The following RBMS3 variants were observed in gnomAD, a reference collection of about 807,000 sequenced individuals.
RBMS3 encodes the protein RNA binding motif single stranded interacting protein 3, also known as RNA-binding motif, single-stranded-interacting protein 3.
A neutral mutation model predicts 66.8 loss-of-function variants in RBMS3; 27 were observed. The ratio of observed to expected loss-of-function variants is 0.40; its 90% CI spans 0.30 to 0.56. The LOEUF is 0.56. Ranked by LOEUF, RBMS3 falls within the 20% of genes least tolerant of loss-of-function variation. RBMS3 has a pLI of 0.40. For synonymous variants in RBMS3, 188 were observed against 183.0 expected (o/e 1.03, Z -0.22); for missense variants, 513 against 549.5 (o/e 0.93, Z 0.66).
chr3:29,569,149 A>G (rs1157009102), intron 3 of RBMS3, among the ~76,000 whole-genome samples: 2 of 152,144 alleles, frequency 1.3e-5, no homozygotes, highest in African/African-American at 4.8e-5. Flanking sequence ...CTGCTTGCAG[A>G]GCCATTTTCC....
chr3:29,374,106 G>C (rs915759435), intron 1 of RBMS3, among the ~76,000 whole-genome samples: 1 of 152,084 alleles, frequency 6.6e-6, no homozygotes, highest in African/African-American at 2.4e-5. Flanking sequence ...TATCAGCCTG[G>C]GGACTATAAC....
chr3:29,650,982 T>A (rs1294500947), intron 4 of RBMS3, among the ~76,000 whole-genome samples: 1 of 152,234 alleles, frequency 6.6e-6, no homozygotes, highest in Non-Finnish European at 1.5e-5. Context: ...TATGTTTCTA[T>A]ACCCCTGGAT....
chr3:29,682,705 C>T (rs1053953071), intron 4 of RBMS3, among the ~76,000 whole-genome samples: 6 of 152,296 alleles, frequency 3.9e-5, no homozygotes, highest in African/African-American at 1.4e-4. Context: ...CACTCTATAA[C>T]ATTTCTATTC....
At chr3:29,306,724 T>C (rs2034037212) in intron 1 of RBMS3, among the ~76,000 whole-genome samples, 1 of 151,828 alleles carries the variant, frequency 6.6e-6, no homozygotes, top group Admixed American at 6.6e-5. Flanking sequence ...AGAGCCTCCC[T>C]GCAGAGGCTC....
intron 4 of RBMS3, among the ~76,000 whole-genome samples, chr3:29,688,681 C>A (rs989714533): frequency 2.2e-5 from 3 of 138,948 alleles, no homozygotes; most frequent in African/African-American, 8.1e-5. Flanking sequence ...CTCCCAGGTT[C>A]AAGCAATTCT....
intron 6 of RBMS3, among the ~76,000 whole-genome samples, chr3:29,771,205 G>A (rs2056184291): frequency 6.6e-6 from 1 of 151,924 alleles, no homozygotes; most frequent in African/African-American, 2.4e-5. Context: ...TAATATTTTA[G>A]TTATTTTTCA....
chr3:29,549,960 A>T (rs540585542), intron 3 of RBMS3, among the ~76,000 whole-genome samples: 1 of 151,856 alleles, frequency 6.6e-6, no homozygotes, highest in Admixed American at 6.6e-5. Context: ...TATAGGCATT[A>T]AAAAAAATGA....
intron 1 of RBMS3, among the ~76,000 whole-genome samples, chr3:29,420,312 C>T: frequency 6.6e-6 from 1 of 152,206 alleles, no homozygotes; most frequent in East Asian, 1.9e-4. Flanking sequence ...AAATCTTCTT[C>T]TTTTCCCCCA....
intron 6 of RBMS3, among the ~76,000 whole-genome samples, chr3:29,817,032 C>T (rs1156746623): frequency 2.0e-5 from 3 of 151,752 alleles, no homozygotes; most frequent in African/African-American, 4.8e-5. Context: ...CAGAGGTTGC[C>T]GTGAGCCGAG....
intron 4 of RBMS3, among the ~76,000 whole-genome samples, chr3:29,590,926 C>T (rs1237068812): frequency 1.3e-5 from 2 of 152,074 alleles, no homozygotes; most frequent in Non-Finnish European, 2.9e-5. Flanking sequence ...CTTGTATCCA[C>T]AGTTAATCCA....
intron 5 of RBMS3, among the ~76,000 whole-genome samples, chr3:29,746,678 T>C (rs2054910265): frequency 6.6e-6 from 1 of 152,148 alleles, no homozygotes; most frequent in Admixed American, 6.6e-5. Context: ...TTCTATTTTC[T>C]TTTTCATATA....
At chr3:30,003,330 G>T (rs1424621872) in intron 14 of RBMS3, among the ~76,000 whole-genome samples, 5 of 151,954 alleles carry the variant, frequency 3.3e-5, no homozygotes. Context: ...GTAAAATATA[G>T]TTCCTGCTCT....
At chr3:29,704,548 C>A (rs1372802517) in intron 4 of RBMS3, among the ~76,000 whole-genome samples, 1 of 152,172 alleles carries the variant, frequency 6.6e-6, no homozygotes, top group African/African-American at 2.4e-5. Context: ...GTTGCCTCAT[C>A]TGTAAAACGG....
chr3:29,593,104 T>C (rs1197657227), intron 4 of RBMS3, among the ~76,000 whole-genome samples: 1 of 152,154 alleles, frequency 6.6e-6, no homozygotes, highest in South Asian at 2.1e-4. Context: ...ACATGGCACA[T>C]GTATACATAT....
At chr3:29,731,006 C>G in intron 4 of RBMS3, 3 of 985,296 alleles carry the variant, frequency 3.0e-6, no homozygotes, top group South Asian at 9.4e-5. Flanking sequence ...GTTCCAGGAC[C>G]AAAGGTAACT....
chr3:29,923,668 A>G (rs922512747), intron 10 of RBMS3, among the ~76,000 whole-genome samples: 1 of 152,224 alleles, frequency 6.6e-6, no homozygotes, highest in African/African-American at 2.4e-5. Flanking sequence ...GATAACTTTA[A>G]TACATCAGTA....
intron 7 of RBMS3, chr3:29,880,756 CTTG>C: frequency 1.3e-6 from 2 of 1,533,544 alleles, no homozygotes; most frequent in African/African-American, 1.4e-5. Context: ...GACACTATCT[CTTG>C]TTGTCTCCTC....
At chr3:29,839,859 C>T (rs188997641) in intron 6 of RBMS3, among the ~76,000 whole-genome samples, 75 of 151,754 alleles carry the variant, frequency 4.9e-4, no homozygotes, top group Admixed American at 4.9e-3. Context: ...CTACTAAACA[C>T]GAAATACAAA....
chr3:29,459,430 A>T (rs2042299865), intron 2 of RBMS3, among the ~76,000 whole-genome samples: 1 of 152,192 alleles, frequency 6.6e-6, no homozygotes, highest in African/African-American at 2.4e-5. Flanking sequence ...ACAATCATCT[A>T]AAATATAAAG....
Sources: allele counts gnomAD v4.1 joint callset (sites outside exome capture counted in the v4.1 genomes callset), GRCh38; gene constraint gnomAD v4.1.1; transcripts MANE v1.5; gene names NCBI Gene and HGNC (gene_info 2026-07-23, HGNC 2026-07-21).